Variants in AGBL3 observed in about 807,000 individuals in gnomAD.
AGBL3 encodes cytosolic carboxypeptidase 3.
In AGBL3, 68 loss-of-function variants were observed where a neutral mutation model predicts 94.5. That is an observed-to-expected ratio of 0.72 (90% CI 0.59 to 0.88). The LOEUF (loss-of-function observed/expected upper bound fraction) is 0.88, where lower values mean the gene tolerates loss of function less well. Among genes scored for constraint, AGBL3 ranks in the 40% least tolerant of loss-of-function variants. AGBL3 has a pLI of 0.00. For synonymous variants in AGBL3, 354 were observed against 370.7 expected (o/e 0.95, Z 0.52); for missense variants, 934 against 1,103.8 (o/e 0.85, Z 2.18).
chr7:135,034,380 C>A lies in AGBL3; in HGVS notation c.789C>A (p.Ile263=), dbSNP rs1171964296. ...HIGWQRIGDQ[I]KYYRNNPGQD... is the part of the protein sequence containing the mutation. ...GCTGGCAGAGAATAGGAGACCAAAT[C>A]AAGTATTATAGGAACAACCCAGGCC... Residue 263 remains isoleucine, a synonymous_variant, in exon 7 of 17, where the codon ATC becomes ATA. Coordinates refer to ENST00000436302, the MANE Select transcript of AGBL3 (RefSeq NM_178563.4). 9.6e-5 allele frequency: 149 copies of A among 1,551,486 alleles called. No homozygotes were observed. Among genetic ancestry groups the A allele is most frequent in the Non-Finnish European group, 1.2e-4 (141 of 1,146,960 alleles).
intron 14 of AGBL3, among the ~76,000 whole-genome samples, chr7:135,080,533 G>A (rs1325685245): frequency 2.0e-5 from 3 of 152,168 alleles, no homozygotes; most frequent in Admixed American, 2.0e-4. Context: ...GAATAGAGAG[G>A]TCCACGTATT....
chr7:135,128,721 A>G, intron 16 of AGBL3: 2 of 1,379,008 alleles, frequency 1.5e-6, no homozygotes, highest in Admixed American at 1.8e-5. Context: ...TTCTCAGAAA[A>G]AAAGTGCAGA....
chr7:135,000,844 A>G (rs1307503065), intron 4 of AGBL3, among the ~76,000 whole-genome samples: 1 of 152,110 alleles, frequency 6.6e-6, no homozygotes, highest in Non-Finnish European at 1.5e-5. Context: ...ATAAGCCCCA[A>G]TCTCTGGCCC....
At chr7:134,999,084 T>A (rs1316052620) in intron 4 of AGBL3, among the ~76,000 whole-genome samples, 5 of 152,178 alleles carry the variant, frequency 3.3e-5, no homozygotes, top group African/African-American at 1.2e-4. Context: ...CACTAGTCCA[T>A]TTTGATGTGA....
At position 135,053,762 on chromosome 7, in the gene AGBL3, T is replaced by G. The variant is rs180726246; in HGVS notation, c.1842-5407T>G. Among the ~76,000 whole-genome samples, 6 of 152,308 alleles carry G rather than the reference T, an allele frequency of 3.9e-5. No homozygotes were observed. The East Asian group carries it at 1.2e-3, about 29-fold the overall frequency. On this transcript the variant is annotated intron_variant, in intron 11 of 16. Coordinates refer to ENST00000436302, the MANE Select transcript of AGBL3 (RefSeq NM_178563.4). ...TAAAAAATGATAAGATTCTAATGGA[T>G]ACTGTCAATTTAACAATTCGTCTTA...
Position 135,076,475 on chromosome 7 carries a change from C to A in AGBL3, c.1980+7C>A. 1 of 1,526,112 alleles carries A rather than the reference C, an allele frequency of 6.6e-7. No homozygotes were observed. Among genetic ancestry groups the A allele is most frequent in the Non-Finnish European group, 8.9e-7 (1 of 1,125,364 alleles). 94.5% of individuals were successfully genotyped at this position (1,526,112 alleles called of 1,614,324 possible). A position where few individuals can be genotyped will look rare whatever the true frequency, so the allele number is the denominator to read the frequency against. The stretch of plus-strand genomic sequence containing the variant: ...AAATGCCAGAGGACAAGAGGTAAAT[C>A]TTCATTAATCTAGTTATTAAGGTTT... On this transcript the variant is annotated splice_region_variant and intron_variant, in intron 13 of 16. Transcript: ENST00000436302.
At chr7:135,045,999 C>G in intron 11 of AGBL3, 88 bp downstream of exon 11, 2 of 944,388 alleles carry the variant, frequency 2.1e-6, no homozygotes, top group Non-Finnish European at 3.1e-6. Context: ...TGTCAGTTCT[C>G]AACTGAAAAT....
chr7:135,029,777 T>C (rs1815521677), intron 5 of AGBL3, among the ~76,000 whole-genome samples: 1 of 152,194 alleles, frequency 6.6e-6, no homozygotes, highest in Non-Finnish European at 1.5e-5. Context: ...TTTTTGGCTT[T>C]TGATTTAAAG....
intron 10 of AGBL3, 63 bp downstream of exon 10, chr7:135,045,637 T>G: frequency 1.4e-6 from 2 of 1,441,970 alleles, no homozygotes; most frequent in Non-Finnish European, 1.9e-6. Flanking sequence ...AAGCTGACTA[T>G]GGGCCTATGC....
chr7:135,009,189 A>G (rs967767948), intron 4 of AGBL3, among the ~76,000 whole-genome samples: 2 of 152,230 alleles, frequency 1.3e-5, no homozygotes, highest in African/African-American at 4.8e-5. Flanking sequence ...CGTTAACGGC[A>G]GCATTTTTCT....
At position 135,034,198 on chromosome 7, in the gene AGBL3, A is replaced by G. The variant is rs1376423660; in HGVS notation, c.607A>G (p.Lys203Glu). The change falls in exon 7 of 17, where the codon AAA (lysine) becomes GAA (glutamate). Residue 203 changes from lysine to glutamate, a missense_variant. Physicochemically the swap from Lys to Glu is moderately conservative, Grantham distance 56 (BLOSUM62 1). This residue lies in a region of AGBL3 where 488 missense variants were observed against 563.6 expected (regional missense o/e 0.87). Transcript: ENST00000436302. ...LTVRPDLFTN[K>E]HTQWYYFQVT... ...TGTACGCCCTGACCTCTTCACAAAT[A>G]AACACACCCAGTGGTACTATTTCCA... The G allele has an allele frequency of 1.3e-6, 2 of 1,551,640 alleles. No homozygotes were observed. The highest frequency in any genetic ancestry group is 1.7e-6 in the Non-Finnish European group (2 of 1,146,944).
intron 5 of AGBL3, among the ~76,000 whole-genome samples, chr7:135,019,007 C>T (rs190761030): frequency 1.3e-5 from 2 of 152,296 alleles, no homozygotes; most frequent in Admixed American, 1.3e-4. Context: ...GTCCGCAGCT[C>T]CAGCCCCAGG....
chr7:135,024,853 C>A (rs1445036837), intron 5 of AGBL3, among the ~76,000 whole-genome samples: 1 of 148,412 alleles, frequency 6.7e-6, no homozygotes, highest in Non-Finnish European at 1.5e-5. Flanking sequence ...CAGTTAGAAT[C>A]ATTAACAGCA....
At chr7:135,037,324 A>G in intron 7 of AGBL3, 94 bp from the exon 8 acceptor site, 1 of 1,053,030 alleles carries the variant, frequency 9.5e-7, no homozygotes, top group East Asian at 2.9e-5. Context: ...AAGAAATTGT[A>G]TTTATTTGGA....
chr7:135,044,263 C>G (rs1217505512), intron 9 of AGBL3, 112 bp downstream of exon 9: 14 of 1,008,336 alleles, frequency 1.4e-5, no homozygotes, highest in South Asian at 3.8e-5. Context: ...TTAAATAATA[C>G]TAATATTTAA....
At chr7:135,080,384 C>A in intron 14 of AGBL3, 124 bp downstream of exon 14, 1 of 704,004 alleles carries the variant, frequency 1.4e-6, no homozygotes, top group Non-Finnish European at 2.4e-6. Context: ...TATATGATAC[C>A]ATTTCTTCCC....
intron 16 of AGBL3, among the ~76,000 whole-genome samples, chr7:135,117,786 C>A (rs1355273773): frequency 1.3e-5 from 2 of 152,206 alleles, no homozygotes; most frequent in African/African-American, 2.4e-5. Flanking sequence ...ACCTCAGGCA[C>A]AATTTGCCCT....
intron 15 of AGBL3, among the ~76,000 whole-genome samples, chr7:135,097,798 G>A (rs750697512): frequency 5.9e-5 from 9 of 152,068 alleles, no homozygotes; most frequent in East Asian, 1.9e-4. Context: ...TGACAAAGAC[G>A]TGTATGGTAA....
At chr7:135,077,271 C>T (rs1820542960) in intron 13 of AGBL3, among the ~76,000 whole-genome samples, 1 of 152,200 alleles carries the variant, frequency 6.6e-6, no homozygotes, top group African/African-American at 2.4e-5. Context: ...GGCTCTACTT[C>T]AGGTGCTCCA....
Sources: gnomAD v4.1 joint callset for allele counts (sites outside exome capture counted in the v4.1 genomes callset) on GRCh38, gnomAD v4.1.1 for gene constraint, gnomAD v4.1.1 regional missense constraint, MANE v1.5 for transcripts, NCBI Gene and HGNC (gene_info 2026-07-23, HGNC 2026-07-21) for gene names.